PLCH1: variants seen among roughly 807,000 people sequenced by gnomAD.
PLCH1 encodes 1-phosphatidylinositol 4,5-bisphosphate phosphodiesterase eta-1.
PLCH1 carries 60 observed loss-of-function variants against 126.7 expected under a neutral mutation model. That is an observed-to-expected ratio of 0.47 (90% confidence interval 0.38 to 0.59). PLCH1 has a LOEUF of 0.59. Among genes scored for constraint, PLCH1 ranks in the 20% least tolerant of loss-of-function variants. The probability of loss-of-function intolerance (pLI) is 0.00; values close to 1 mark genes in which losing one functional copy is unlikely to be tolerated. For missense variants in PLCH1, 1,723 were observed against 2,040.0 expected, an observed-to-expected ratio of 0.84 and a Z score of 2.99; for synonymous variants, 719 against 734.9, an observed-to-expected ratio of 0.98 and a Z score of 0.35.
chr3:155,653,233 G>A (rs757864666), intron 2 of PLCH1, among the ~76,000 whole-genome samples: 1 of 152,086 alleles, frequency 6.6e-6, no homozygotes, highest in Non-Finnish European at 1.5e-5. Context: ...TGCCCAGGCT[G>A]GTCTCAAACT....
chr3:155,513,915 ACT>A (rs1479891410), intron 12 of PLCH1, among the ~76,000 whole-genome samples: 1 of 151,696 alleles, frequency 6.6e-6, no homozygotes, highest in African/African-American at 2.4e-5. Flanking sequence ...GGTTAACAAA[ACT>A]CTCGTTTGTT....
At chr3:155,506,256 T>C (rs1186917715) in intron 12 of PLCH1, among the ~76,000 whole-genome samples, 3 of 152,044 alleles carry the variant, frequency 2.0e-5, no homozygotes, top group Non-Finnish European at 2.9e-5. Context: ...ACAAAGCTTG[T>C]TGGTGATAAA....
intron 2 of PLCH1, among the ~76,000 whole-genome samples, chr3:155,659,113 C>T (rs142621558): frequency 2.5e-4 from 38 of 152,074 alleles, no homozygotes; most frequent in African/African-American, 9.2e-4. Flanking sequence ...AACGGGGAAC[C>T]AAGACATCTC....
chr3:155,696,514 G>A (rs560364986), intron 2 of PLCH1, among the ~76,000 whole-genome samples: 1 of 152,264 alleles, frequency 6.6e-6, no homozygotes, highest in African/African-American at 2.4e-5. Context: ...GCATACATTA[G>A]AAACAGAGTG....
chr3:155,542,364 G>C (rs1724443486), intron 10 of PLCH1, among the ~76,000 whole-genome samples: 1 of 152,018 alleles, frequency 6.6e-6, no homozygotes, highest in African/African-American at 2.4e-5. Flanking sequence ...GGCTTGCTTA[G>C]GTAAACAAAG....
Position 155,486,010 on chromosome 3 carries a change from C to T in PLCH1, c.2620-300G>A, listed in dbSNP as rs373163685. On this transcript the variant is annotated intron_variant, in intron 21 of 22. Coordinates refer to ENST00000460012, the MANE Select transcript of PLCH1 (RefSeq NM_014996.4). ...TCCACAGCTCATAGACTGCTATGAACTTCAGGCGCCTTAAAGCAACAGATG... is the reference window on the plus strand; with the variant it reads ...TCCACAGCTCATAGACTGCTATGAATTTCAGGCGCCTTAAAGCAACAGATG... 2.5e-5 allele frequency: 16 copies of T among 642,924 alleles called. 1 individual carries two copies. Among genetic ancestry groups the T allele is most frequent in the Admixed American group, 2.4e-4 (8 of 33,702 alleles). 39.8% of individuals were successfully genotyped at this position (642,924 alleles called of 1,614,324 possible). A position where few individuals can be genotyped will look rare whatever the true frequency, so the allele number is the denominator to read the frequency against.
At chr3:155,620,286 C>T (rs1251687358) in intron 2 of PLCH1, among the ~76,000 whole-genome samples, 1 of 152,192 alleles carries the variant, frequency 6.6e-6, no homozygotes, top group East Asian at 1.9e-4. Flanking sequence ...TTTATTAAGT[C>T]TGAATTCAGA....
At chr3:155,541,754 C>A (rs1437818254) in intron 10 of PLCH1, among the ~76,000 whole-genome samples, 1 of 152,128 alleles carries the variant, frequency 6.6e-6, no homozygotes, top group Non-Finnish European at 1.5e-5. Flanking sequence ...TGAGCCCATA[C>A]TTTTGGAAAA....
chr3:155,547,591 G>A (rs1725530912), intron 10 of PLCH1, among the ~76,000 whole-genome samples: 1 of 152,072 alleles, frequency 6.6e-6, no homozygotes, highest in Admixed American at 6.5e-5. Flanking sequence ...ACATGCACAT[G>A]TATGTTTACT....
intron 10 of PLCH1, among the ~76,000 whole-genome samples, chr3:155,537,431 C>T (rs892992216): frequency 2.0e-5 from 3 of 151,946 alleles, no homozygotes; most frequent in Non-Finnish European, 4.4e-5. Context: ...GGTCTAAATG[C>T]TCCACTTAAA....
intron 11 of PLCH1, among the ~76,000 whole-genome samples, chr3:155,516,153 G>A (rs138796042): frequency 2.0e-3 from 300 of 152,326 alleles, no homozygotes; most frequent in South Asian, 8.7e-3. Flanking sequence ...TGAAAAAAGA[G>A]TTGGCTCTTA....
chr3:155,698,365 G>A (rs1003563765), intron 2 of PLCH1, among the ~76,000 whole-genome samples: 2 of 152,114 alleles, frequency 1.3e-5, no homozygotes, highest in Non-Finnish European at 1.5e-5. Context: ...TTCCCAAAAG[G>A]TCATAGAACA....
At chr3:155,513,436 G>T (rs997367579) in intron 12 of PLCH1, among the ~76,000 whole-genome samples, 6 of 152,110 alleles carry the variant, frequency 3.9e-5, no homozygotes, top group African/African-American at 1.2e-4. Context: ...CCTTATGGTT[G>T]CATTTCCAAT....
intron 21 of PLCH1, among the ~76,000 whole-genome samples, chr3:155,453,801 T>C (rs1341234271): frequency 6.6e-6 from 1 of 151,372 alleles, no homozygotes; most frequent in African/African-American, 2.4e-5. Context: ...TATAAATATG[T>C]ATTTATCTAT....
At chr3:155,582,347 T>G (rs1730829795) in intron 6 of PLCH1, among the ~76,000 whole-genome samples, 1 of 152,066 alleles carries the variant, frequency 6.6e-6, no homozygotes, top group Non-Finnish European at 1.5e-5. Flanking sequence ...CCTCCCAAAG[T>G]GCTGGGATTA....
intron 4 of PLCH1, among the ~76,000 whole-genome samples, chr3:155,587,745 C>T (rs1162143998): frequency 3.3e-5 from 5 of 152,126 alleles, no homozygotes; most frequent in Non-Finnish European, 7.4e-5. Flanking sequence ...CCTTGGGTTG[C>T]TTTACATAGT....
intron 2 of PLCH1, among the ~76,000 whole-genome samples, chr3:155,639,412 G>A (rs961118705): frequency 1.3e-4 from 20 of 152,272 alleles, no homozygotes; most frequent in African/African-American, 4.6e-4. Flanking sequence ...AGTGGGGCAC[G>A]TTCATGTAAC....
chr3:155,539,197 T>G (rs1576948935), intron 10 of PLCH1, among the ~76,000 whole-genome samples: 1 of 152,168 alleles, frequency 6.6e-6, no homozygotes, highest in Non-Finnish European at 1.5e-5. Context: ...TTTAACAAAA[T>G]CCAGCATCTC....
chr3:155,684,547 G>A (rs1744787296), intron 2 of PLCH1, among the ~76,000 whole-genome samples: 1 of 152,010 alleles, frequency 6.6e-6, no homozygotes, highest in Non-Finnish European at 1.5e-5. Context: ...TGCCTCCTCT[G>A]AAAATCTAAC....
Sources: gnomAD v4.1 joint callset for allele counts (sites outside exome capture counted in the v4.1 genomes callset) on GRCh38, gnomAD v4.1.1 for gene constraint, MANE v1.5 for transcripts, NCBI Gene and HGNC (gene_info 2026-07-23, HGNC 2026-07-21) for gene names.